The following SYNRG variants were observed in gnomAD, a reference collection of about 807,000 sequenced individuals.
The protein encoded by SYNRG is synergin gamma.
In SYNRG, 37 loss-of-function variants were observed where a neutral mutation model predicts 130.9. The observed-to-expected ratio is 0.28, with a 90% confidence interval of 0.22 to 0.37. The LOEUF (loss-of-function observed/expected upper bound fraction) is 0.37. SYNRG is among the 10% of genes least tolerant of loss of function. The pLI, the probability that SYNRG is intolerant of heterozygous loss-of-function variation, is 1.00. For missense variants in SYNRG, 1,338 were observed against 1,588.9 expected (o/e 0.84, Z 2.68); for synonymous variants, 539 against 568.1 (o/e 0.95, Z 0.73).
chr17:37,516,207 A>G lies in SYNRG; in HGVS notation c.*2733T>C. The G allele has an allele frequency of 6.6e-6, 1 of 152,218 alleles. No individual in the cohort carries two copies. Among genetic ancestry groups the G allele is most frequent in the East Asian group, 1.9e-4 (1 of 5,202 alleles). The allele number at this position is 152,218 out of a possible 1,614,324, so 9.4% of individuals were successfully genotyped here. On this transcript the variant is annotated 3_prime_UTR_variant, in exon 22 of 22. Transcript: ENST00000612223. ...ATAAGTAACCTTGGCTACAGTTTCC[A>G]AGGACACGGGGCTCCTGGCTGACAA...
intron 14 of SYNRG, among the ~76,000 whole-genome samples, chr17:37,546,832 C>T (rs1016506237): frequency 2.0e-5 from 3 of 152,124 alleles, no homozygotes; most frequent in Admixed American, 1.3e-4. Flanking sequence ...TTTTAATTTA[C>T]AGTACTCATG....
chr17:37,589,896 C>T (rs764534576), intron 3 of SYNRG, among the ~76,000 whole-genome samples: 2 of 151,996 alleles, frequency 1.3e-5, no homozygotes, highest in Admixed American at 6.6e-5. Flanking sequence ...ACAGGCCGGG[C>T]GCATTGGCTC....
At chr17:37,606,934 T>C (rs773794397) in intron 1 of SYNRG, among the ~76,000 whole-genome samples, 23 of 152,080 alleles carry the variant, frequency 1.5e-4, no homozygotes, top group Non-Finnish European at 2.5e-4. Context: ...AGTTTCCTTA[T>C]AAAATAATTT....
At chr17:37,571,632 A>T (rs986009773) in intron 9 of SYNRG, among the ~76,000 whole-genome samples, 159 bp downstream of exon 9, 1 of 152,218 alleles carries the variant, frequency 6.6e-6, no homozygotes, top group Non-Finnish European at 1.5e-5. Flanking sequence ...ACTTGCTATT[A>T]TGCACATCTT....
intron 3 of SYNRG, among the ~76,000 whole-genome samples, chr17:37,593,420 A>AT (rs1181595988): frequency 1.3e-5 from 2 of 151,984 alleles, no homozygotes; most frequent in Non-Finnish European, 2.9e-5. Flanking sequence ...CTCAAAAAAA[A>AT]GACTAAATTT....
chr17:37,527,820 C>G (rs560351114), intron 19 of SYNRG, among the ~76,000 whole-genome samples: 3 of 152,232 alleles, frequency 2.0e-5, no homozygotes, highest in South Asian at 2.1e-4. Context: ...ATTCCCCCCC[C>G]ATGGACAGGG....
intron 11 of SYNRG, among the ~76,000 whole-genome samples, chr17:37,566,236 G>C (rs1348761834): frequency 1.3e-5 from 2 of 151,768 alleles, no homozygotes; most frequent in Non-Finnish European, 2.9e-5. Context: ...GATGGTTGCC[G>C]TGTCTGTGTA....
chr17:37,595,289 A>C (rs2062656698), intron 3 of SYNRG, among the ~76,000 whole-genome samples: 1 of 152,244 alleles, frequency 6.6e-6, no homozygotes, highest in Non-Finnish European at 1.5e-5. Context: ...AATATCACTT[A>C]TTTATAAGTT....
intron 1 of SYNRG, among the ~76,000 whole-genome samples, chr17:37,602,215 A>G (rs1290907501): frequency 6.6e-6 from 1 of 151,956 alleles, no homozygotes; most frequent in Non-Finnish European, 1.5e-5. Context: ...CATGCCTGCA[A>G]TTCCAGCTAC....
chr17:37,585,734 A>C (rs1178341599), intron 4 of SYNRG, among the ~76,000 whole-genome samples: 1 of 152,244 alleles, frequency 6.6e-6, no homozygotes, highest in South Asian at 2.1e-4. Context: ...GCAGACAAAC[A>C]TAAGAACACA....
chr17:37,519,080 A>G lies in SYNRG; in HGVS notation c.3814-9T>C, dbSNP rs1253578456. 3.1e-6 allele frequency: 5 copies of G among 1,612,334 alleles called. No individual in the cohort carries two copies. Among genetic ancestry groups the G allele is most frequent in the Non-Finnish European group, 4.2e-6 (5 of 1,178,608 alleles). On this transcript the variant is annotated splice_polypyrimidine_tract_variant and intron_variant, in intron 21 of 21. Transcript: ENST00000612223. Reference sequence around the variant, plus strand: ...GTTTCTGAGTTGAATGCCTGCCAGAAATAAACAGAGATGTGGGGCAAGTCA... The same window carrying G: ...GTTTCTGAGTTGAATGCCTGCCAGAGATAAACAGAGATGTGGGGCAAGTCA...
rs149210531 is a variant in SYNRG, at chr17:37,549,710, C to T, written c.2608+3405G>A. ...GGATCAACTGATCCTCACACTTTAGCCTCCTGAGTAGCTGGGACTACAGGA... is the reference window on the plus strand; with the variant it reads ...GGATCAACTGATCCTCACACTTTAGTCTCCTGAGTAGCTGGGACTACAGGA... On this transcript the variant is annotated intron_variant, in intron 14 of 21. Coordinates refer to ENST00000612223, the MANE Select transcript of SYNRG (RefSeq NM_007247.6). Among the ~76,000 whole-genome samples the T allele has an allele frequency of 2.6e-5, 4 of 152,248 alleles. No homozygotes were observed. In the East Asian group the frequency reaches 7.7e-4, roughly 29 times the overall value.
chr17:37,569,978 T>G (rs1200099861), intron 10 of SYNRG, among the ~76,000 whole-genome samples: 1 of 152,200 alleles, frequency 6.6e-6, no homozygotes, highest in East Asian at 1.9e-4. Context: ...TGAAATTTAT[T>G]TAACCTTTCT....
intron 6 of SYNRG, among the ~76,000 whole-genome samples, chr17:37,582,722 G>A (rs887038033): frequency 2.6e-5 from 4 of 152,006 alleles, no homozygotes; most frequent in East Asian, 3.9e-4. Flanking sequence ...TTAGCTAGGC[G>A]TGGTGGTGCG....
chr17:37,586,569 G>T lies in SYNRG; in HGVS notation c.241-20C>A, dbSNP rs1329485961. The T allele has an allele frequency of 6.2e-7, 1 of 1,612,850 alleles. No homozygotes were observed. Among genetic ancestry groups the T allele is most frequent in the African/African-American group, 1.3e-5 (1 of 74,926 alleles). ...TCCTGCCTAGAAGAAACAGACAAAG[G>T]CTTAAAAAACACAATTTATCCCTTT... On this transcript the variant is annotated intron_variant, in intron 3 of 21. Transcript: ENST00000612223.
intron 11 of SYNRG, among the ~76,000 whole-genome samples, chr17:37,566,333 A>T (rs1426273879): frequency 4.1e-5 from 6 of 145,412 alleles, no homozygotes; most frequent in African/African-American, 1.5e-4. Context: ...CTGTGACCTT[A>T]CCCCCAACCC....
intron 19 of SYNRG, among the ~76,000 whole-genome samples, chr17:37,531,369 T>G (rs2056616150): frequency 6.6e-6 from 1 of 152,138 alleles, no homozygotes; most frequent in South Asian, 2.1e-4. Flanking sequence ...GAATGGAGGG[T>G]AATGACACAT....
intron 14 of SYNRG, among the ~76,000 whole-genome samples, chr17:37,552,683 A>C (rs889552983): frequency 1.3e-5 from 2 of 152,204 alleles, no homozygotes; most frequent in African/African-American, 4.8e-5. Context: ...ATTTCTGTAA[A>C]TCAAACAGAA....
chr17:37,602,540 G>A (rs2063382297), intron 1 of SYNRG, among the ~76,000 whole-genome samples: 1 of 152,204 alleles, frequency 6.6e-6, no homozygotes, highest in African/African-American at 2.4e-5. Context: ...AGTTACCAGT[G>A]TCTAATGCTG....
Sources: gnomAD v4.1 joint callset for allele counts (sites outside exome capture counted in the v4.1 genomes callset) on GRCh38, gnomAD v4.1.1 for gene constraint, MANE v1.5 for transcripts, NCBI Gene and HGNC (gene_info 2026-07-23, HGNC 2026-07-21) for gene names.